The following DNAI2 variants were observed in gnomAD, a reference collection of about 807,000 sequenced individuals.
The protein encoded by DNAI2 is dynein, axonemal, intermediate polypeptide 2.
Under a neutral mutation model 74.7 loss-of-function variants are expected in DNAI2, and 63 were observed. The observed-to-expected ratio is 0.84, with a 90% CI of 0.69 to 1.04. The LOEUF (loss-of-function observed/expected upper bound fraction) is 1.04. Among genes scored for constraint, DNAI2 ranks in the 50% least tolerant of loss-of-function variants. The probability of loss-of-function intolerance (pLI) is 0.00; values close to 1 mark genes in which losing one functional copy is unlikely to be tolerated. For synonymous variants in DNAI2, 289 were observed against 314.9 expected (o/e 0.92, Z 0.87); for missense variants, 688 against 803.2 (o/e 0.86, Z 1.73).
intron 6 of DNAI2, among the ~76,000 whole-genome samples, chr17:74,298,197 G>A (rs2052560930): frequency 2.0e-5 from 3 of 152,298 alleles, no homozygotes; most frequent in Non-Finnish European, 2.9e-5. Flanking sequence ...CTGGTGCTCC[G>A]CTGCTCCAAG....
At chr17:74,280,726 G>A (rs191531286) in intron 1 of DNAI2, among the ~76,000 whole-genome samples, 1 of 152,210 alleles carries the variant, frequency 6.6e-6, no homozygotes, top group East Asian at 1.9e-4. Flanking sequence ...AGCATGGCAG[G>A]GAATTTAGTC....
intron 6 of DNAI2, among the ~76,000 whole-genome samples, chr17:74,293,844 C>T (rs555456256): frequency 1.1e-3 from 171 of 151,342 alleles, no homozygotes; most frequent in Non-Finnish European, 1.9e-3. Flanking sequence ...AGTGCAGTGG[C>T]GTGATCTCGG....
At position 74,286,966 on chromosome 17, in the gene DNAI2, G is replaced by T. The variant is rs371817794; in HGVS notation, c.346-11G>T. The stretch of plus-strand genomic sequence containing the variant: ...ATTTACTGCGGAGAACTTCCAATGT[G>T]TCCCCCCTAGATCATGGAGCACTGC... On this transcript the variant is annotated splice_polypyrimidine_tract_variant and intron_variant, in intron 3 of 13. Coordinates refer to ENST00000311014, the MANE Select transcript of DNAI2 (RefSeq NM_023036.6). The T allele has an allele frequency of 3.3e-5, 54 of 1,613,638 alleles. No individual in the cohort carries two copies. The highest frequency in any genetic ancestry group is 4.4e-5 in the Non-Finnish European group (52 of 1,179,764).
chr17:74,314,607 A>G lies in DNAI2; in HGVS notation c.*74A>G, dbSNP rs2053723391. The G allele has an allele frequency of 3.7e-6, 1 of 267,000 alleles. No individual in the cohort carries two copies. The highest frequency in any genetic ancestry group is 4.0e-5 in the South Asian group (1 of 24,794). The allele number at this position is 267,000 out of a possible 1,614,324, so 16.5% of individuals were successfully genotyped here. On this transcript the variant is annotated 3_prime_UTR_variant, in exon 14 of 14. Coordinates refer to ENST00000311014, the MANE Select transcript of DNAI2 (RefSeq NM_023036.6). Reference sequence around the variant, plus strand: ...CTTGCAGACCCTCAACCAGACTTGCATGGCCATGGCAGGGCCTCGGGAAGA... The same window carrying G: ...CTTGCAGACCCTCAACCAGACTTGCGTGGCCATGGCAGGGCCTCGGGAAGA...
intron 2 of DNAI2, among the ~76,000 whole-genome samples, chr17:74,282,988 G>C (rs1402798440): frequency 6.6e-6 from 1 of 152,198 alleles, no homozygotes; most frequent in Admixed American, 6.5e-5. Flanking sequence ...CAGAATGGCC[G>C]CTATGTGGGC....
Position 74,287,020 on chromosome 17 carries a change from A to C in DNAI2, c.389A>C (p.Tyr130Ser). The C allele has an allele frequency of 6.2e-7, 1 of 1,613,858 alleles. No homozygotes were observed. Among genetic ancestry groups the C allele is most frequent in the East Asian group, 2.2e-5 (1 of 44,868 alleles). The change falls in exon 4 of 14, where the codon TAT becomes TCT. Residue 130 changes from tyrosine to serine, a missense_variant. By Grantham distance (144) the Tyr-to-Ser change is moderately radical (BLOSUM62 -2). Coordinates refer to ENST00000311014, the MANE Select transcript of DNAI2 (RefSeq NM_023036.6). ...AAGCAGAACAATGCCATTGACATCT[A>C]TGAAGAGTATTTCAATGACGAGGAG... Reference protein sequence around the residue: ...CIKQNNAIDIYEEYFNDEEAM... With the variant: ...CIKQNNAIDISEEYFNDEEAM...
chr17:74,290,582 G>A (rs1215620297), intron 5 of DNAI2, among the ~76,000 whole-genome samples: 6 of 152,176 alleles, frequency 3.9e-5, no homozygotes, highest in African/African-American at 1.4e-4. Context: ...GCCAGGCAGA[G>A]AGCTAACGCC....
In DNAI2 at chr17:74,299,732, C is replaced by G. The variant is rs545536618; in HGVS notation, c.739C>G (p.Arg247Gly). Residue 247 changes from arginine (R) to glycine (G), a missense_variant, in exon 7 of 14, where the codon CGA (arginine) becomes GGA (glycine). Arg to Gly is a moderately radical substitution (Grantham distance 125, BLOSUM62 -2). Transcript: ENST00000311014. The part of the protein sequence containing the change: ...YNGQIACWDT[R>G]KGSLVAELST... ...TTCCTCACCAGCCTGCTGGGACACC[C>G]GAAAGGGCAGCCTGGTGGCGGAGCT... 1.9e-6 allele frequency: 3 copies of G among 1,613,390 alleles called. No homozygotes were observed. The highest frequency in any genetic ancestry group is 1.7e-6 in the Non-Finnish European group (2 of 1,180,030).
At position 74,285,204 on chromosome 17, in the gene DNAI2, A is replaced by G. The variant is rs1567844773; in HGVS notation, c.345+3A>G. 6.2e-7 allele frequency: 1 copy of G among 1,613,810 alleles called. No individual in the cohort carries two copies. Among genetic ancestry groups the G allele is most frequent in the Non-Finnish European group, 8.5e-7 (1 of 1,179,910 alleles). ...ACGCCATCATGCAGCTCGGCTCTGT[A>G]AGGCTTCCTCCTGCCCCAGCTGCAA... is the stretch of plus-strand genomic sequence containing the variant. On this transcript the variant is annotated splice_donor_region_variant and intron_variant, in intron 3 of 13. Coordinates refer to ENST00000311014, the MANE Select transcript of DNAI2 (RefSeq NM_023036.6).
chr17:74,289,534 A>AAG, intron 4 of DNAI2, 60 bp from the exon 5 acceptor site: 5 of 1,452,482 alleles, frequency 3.4e-6, no homozygotes, highest in Middle Eastern at 1.9e-4. Context: ...AAAAAAAAAA[A>AAG]GGGGGAGAAA....
At chr17:74,281,612 C>G (rs2051389965) in intron 1 of DNAI2, 195 bp from the exon 2 acceptor site, 1 of 621,544 alleles carries the variant, frequency 1.6e-6, no homozygotes, top group Non-Finnish European at 2.8e-6. Context: ...CAGGGTAATG[C>G]TTAGCATATA....
In DNAI2 at chr17:74,281,865, G is replaced by T; in HGVS notation, c.48G>T (p.Lys16Asn). ...VYVKKRSEFGKQCNFSDRQAE... is the reference protein window; with the variant it reads ...VYVKKRSEFGNQCNFSDRQAE... Reference sequence around the variant, plus strand: ...TCAAGAAGCGCAGCGAGTTCGGGAAGCAGTGCAATTTCTCGGACCGCCAGG... The same window carrying T: ...TCAAGAAGCGCAGCGAGTTCGGGAATCAGTGCAATTTCTCGGACCGCCAGG... The change falls in exon 2 of 14, where the codon AAG (lysine) becomes AAT (asparagine). Residue 16 changes from lysine (K) to asparagine (N), a missense_variant. Physicochemically the swap from Lys to Asn is moderately conservative, Grantham distance 94 (BLOSUM62 0). Transcript: ENST00000311014. The T allele has an allele frequency of 6.2e-7, 1 of 1,614,172 alleles. No individual in the cohort carries two copies. The highest frequency in any genetic ancestry group is 8.5e-7 in the Non-Finnish European group (1 of 1,180,042).
At chr17:74,298,008 T>C (rs1345309229) in intron 6 of DNAI2, among the ~76,000 whole-genome samples, 1 of 152,152 alleles carries the variant, frequency 6.6e-6, no homozygotes, top group Admixed American at 6.5e-5. Flanking sequence ...CAGGGGAGCT[T>C]TCAGATTATG....
intron 10 of DNAI2, chr17:74,309,649 G>T: frequency 1.4e-6 from 1 of 694,248 alleles, no homozygotes; most frequent in Non-Finnish European, 2.6e-6. Context: ...ACAAAAGCAG[G>T]TACCCGGCAT....
Position 74,292,186 on chromosome 17 carries a change from T to C in DNAI2, c.724+1053T>C, listed in dbSNP as rs138917551. ...GGCCGCTATTAATTCTTGAAATGTT[T>C]GGTAGAACTCATCAGTGAAGCCATC... On this transcript the variant is annotated intron_variant, in intron 6 of 13. Transcript: ENST00000311014. Among the ~76,000 whole-genome samples the C allele has an allele frequency of 4.1e-3, 631 of 152,314 alleles. 5 individuals carry two copies. The highest frequency in any genetic ancestry group is 0.014 in the African/African-American group (602 of 41,576).
rs796350373 is a variant in DNAI2, at chr17:74,296,630, G to A, written c.725-3088G>A. Among the ~76,000 whole-genome samples, 47 of 152,304 alleles carry A rather than the reference G, an allele frequency of 3.1e-4. 1 individual carries two copies. The highest frequency in any genetic ancestry group is 1.1e-3 in the African/African-American group (45 of 41,560). ...GCCTGCAATTACACCCTGATGAAAA[G>A]ACTTTTCACACCAGGCAAAGGCTGA... is the stretch of plus-strand genomic sequence containing the variant. On this transcript the variant is annotated intron_variant, in intron 6 of 13. Coordinates refer to ENST00000311014, the MANE Select transcript of DNAI2 (RefSeq NM_023036.6).
At position 74,310,066 on chromosome 17, in the gene DNAI2, T is replaced by C; in HGVS notation, c.1397T>C (p.Leu466Pro). 1 of 1,613,920 alleles carries C rather than the reference T, an allele frequency of 6.2e-7. No homozygotes were observed. The highest frequency in any genetic ancestry group is 8.5e-7 in the Non-Finnish European group (1 of 1,180,018). Residue 466 changes from leucine (L) to proline (P), a missense_variant, in exon 11 of 14, where the codon CTC (leucine) becomes CCC (proline). Transcript: ENST00000311014. ...FCLRVQDNGC[L>P]IACGSQLGTT... ...CTCCGGGTGCAGGACAATGGGTGTC[T>C]CATCGCCTGCGGCTCCCAGCTGGGG... is the stretch of plus-strand genomic sequence containing the variant.
intron 8 of DNAI2, 33 bp downstream of exon 8, chr17:74,301,201 G>T (rs778793370): frequency 1.3e-5 from 21 of 1,611,756 alleles, no homozygotes; most frequent in Non-Finnish European, 1.5e-5. Context: ...TCCCCGACTT[G>T]CATTGACAGG....
At chr17:74,293,598 G>A (rs1387696543) in intron 6 of DNAI2, among the ~76,000 whole-genome samples, 1 of 151,692 alleles carries the variant, frequency 6.6e-6, no homozygotes, top group East Asian at 2.0e-4. Context: ...CAGCTACTTG[G>A]GAGGCTAAGG....
Sources: allele counts gnomAD v4.1 joint callset (sites outside exome capture counted in the v4.1 genomes callset), GRCh38; gene constraint gnomAD v4.1.1; transcripts MANE v1.5; gene names NCBI Gene and HGNC (gene_info 2026-07-23, HGNC 2026-07-21).